Variants in LRP1B observed in about 807,000 individuals in gnomAD.
LRP1B encodes the protein low-density lipoprotein receptor-related protein 1B.
Under a neutral mutation model 556.6 loss-of-function variants are expected in LRP1B, and 217 were observed. The observed-to-expected ratio is 0.39, with a 90% CI of 0.35 to 0.44. LRP1B has a LOEUF of 0.44. Among genes scored for constraint, LRP1B ranks in the 20% least tolerant of loss-of-function variants. The probability of loss-of-function intolerance (pLI) is 1.00; values close to 1 mark genes in which losing one functional copy is unlikely to be tolerated. For synonymous variants in LRP1B, 2,047 were observed against 1,865.8 expected (o/e 1.10, Z -2.50); for missense variants, 5,053 against 5,620.8 (o/e 0.90, Z 3.23).
chr2:141,745,752 G>T (rs1363161421), intron 2 of LRP1B, among the ~76,000 whole-genome samples: 1 of 151,910 alleles, frequency 6.6e-6, no homozygotes, highest in Non-Finnish European at 1.5e-5. Context: ...AGCAGAAGAA[G>T]TCTCTCACTA....
In LRP1B at chr2:142,101,342, A is replaced by T. The variant is rs114192519; in HGVS notation, c.82+29306T>A. Among the ~76,000 whole-genome samples the T allele has an allele frequency of 5.4e-3, 823 of 152,172 alleles. 4 individuals are homozygous for T. The highest frequency in any genetic ancestry group is 0.018 in the African/African-American group (759 of 41,564). ...CATGTGAGTTACACAGGTGATCTAC[A>T]TGATTTGGACTGAAGCTGGCCACAC... On this transcript the variant is annotated intron_variant, in intron 1 of 90. Transcript: ENST00000389484.
At chr2:141,466,314 C>T (rs1274429126) in intron 3 of LRP1B, among the ~76,000 whole-genome samples, 1 of 152,166 alleles carries the variant, frequency 6.6e-6, no homozygotes, top group East Asian at 1.9e-4. Flanking sequence ...CCTTTAGAGT[C>T]CTCTCATAGA....
At chr2:141,024,647 A>G (rs1206834241) in intron 11 of LRP1B, among the ~76,000 whole-genome samples, 1 of 152,048 alleles carries the variant, frequency 6.6e-6, no homozygotes, top group Non-Finnish European at 1.5e-5. Flanking sequence ...TGAGATTTTT[A>G]TCATACTTTC....
At chr2:141,358,105 T>A (rs1302962208) in intron 3 of LRP1B, among the ~76,000 whole-genome samples, 1 of 152,204 alleles carries the variant, frequency 6.6e-6, no homozygotes, top group Non-Finnish European at 1.5e-5. Flanking sequence ...CAAATTTATG[T>A]CACTTAAAAT....
chr2:140,272,988 G>A (rs1682527570), intron 85 of LRP1B, among the ~76,000 whole-genome samples: 1 of 151,874 alleles, frequency 6.6e-6, no homozygotes, highest in African/African-American at 2.4e-5. Flanking sequence ...TTTGGAGAAG[G>A]GACTTTTGAC....
intron 27 of LRP1B, among the ~76,000 whole-genome samples, chr2:140,860,849 G>A (rs1573813341): frequency 6.6e-6 from 1 of 152,242 alleles, no homozygotes; most frequent in East Asian, 1.9e-4. Context: ...TGGTAGATGG[G>A]TGGTAGAGAA....
chr2:140,860,550 T>A (rs1314637393), intron 27 of LRP1B, among the ~76,000 whole-genome samples: 1 of 152,176 alleles, frequency 6.6e-6, no homozygotes, highest in African/African-American at 2.4e-5. Context: ...TTAAACCAAG[T>A]TCTGTTTACA....
chr2:140,923,364 GAT>G (rs1335900212), intron 20 of LRP1B, among the ~76,000 whole-genome samples: 8 of 151,936 alleles, frequency 5.3e-5, no homozygotes, highest in Admixed American at 2.0e-4. Flanking sequence ...CCGATAAAAT[GAT>G]GTTTCTTGCC....
chr2:140,808,073 CAG>C (rs1237746294), intron 32 of LRP1B, among the ~76,000 whole-genome samples: 1 of 152,224 alleles, frequency 6.6e-6, no homozygotes, highest in East Asian at 1.9e-4. Context: ...GCCTAGGTGA[CAG>C]AGTGAGACTC....
chr2:141,629,093 G>T (rs979801849), intron 2 of LRP1B, among the ~76,000 whole-genome samples: 2 of 152,132 alleles, frequency 1.3e-5, no homozygotes, highest in African/African-American at 4.8e-5. Flanking sequence ...ATCTCTAAGG[G>T]CTATTTTTTT....
intron 2 of LRP1B, among the ~76,000 whole-genome samples, chr2:141,504,200 T>C (rs532589784): frequency 6.6e-6 from 1 of 152,318 alleles, no homozygotes; most frequent in East Asian, 1.9e-4. Context: ...GAAGATGAAT[T>C]GGCTTATTTA....
chr2:141,165,261 C>G (rs1173880983), intron 7 of LRP1B, among the ~76,000 whole-genome samples: 9 of 151,944 alleles, frequency 5.9e-5, no homozygotes, highest in Non-Finnish European at 1.2e-4. Flanking sequence ...AACCACAGAA[C>G]TGAAAGCCAA....
intron 41 of LRP1B, among the ~76,000 whole-genome samples, chr2:140,684,249 CT>C (rs1201041741): frequency 5.3e-5 from 8 of 152,138 alleles, no homozygotes; most frequent in African/African-American, 1.9e-4. Flanking sequence ...AATTATGTTT[CT>C]TTTTTACTAA....
At chr2:140,798,395 C>T (rs1299153091) in intron 32 of LRP1B, among the ~76,000 whole-genome samples, 2 of 151,986 alleles carry the variant, frequency 1.3e-5, no homozygotes, top group African/African-American at 4.8e-5. Context: ...CTCTTCCTAC[C>T]CTTCTCTGCC....
At chr2:141,345,352 A>G (rs1688209018) in intron 3 of LRP1B, among the ~76,000 whole-genome samples, 1 of 152,198 alleles carries the variant, frequency 6.6e-6, no homozygotes, top group African/African-American at 2.4e-5. Context: ...TATAGCAGCA[A>G]AAGTAAACTA....
At chr2:141,891,650 A>G (rs1031632905) in intron 1 of LRP1B, among the ~76,000 whole-genome samples, 2 of 152,174 alleles carry the variant, frequency 1.3e-5, no homozygotes, top group African/African-American at 2.4e-5. Context: ...ATTATAAAGT[A>G]TGATAAATAA....
chr2:141,459,974 G>C (rs1039961867), intron 3 of LRP1B, among the ~76,000 whole-genome samples: 2 of 152,156 alleles, frequency 1.3e-5, no homozygotes, highest in Admixed American at 6.5e-5. Context: ...TGTCACCATA[G>C]TAAAAATTCT....
rs905968372 is a variant in LRP1B at position 141,545,623 on chromosome 2, T to C, written c.206-65090A>G. Among the ~76,000 whole-genome samples the C allele has an allele frequency of 3.9e-5, 6 of 152,082 alleles. No homozygotes were observed. The East Asian group carries it at 1.2e-3, about 29-fold the overall frequency. ...GCTTCAGGAGGCCAAAGTGGGAGAA[T>C]TGCTTGAGCCCAGCAGTTTGAGACA... is the stretch of plus-strand genomic sequence containing the variant. On this transcript the variant is annotated intron_variant, in intron 2 of 90. Transcript: ENST00000389484.
intron 32 of LRP1B, 75 bp downstream of exon 32, chr2:140,813,582 A>T (rs2105035542): frequency 7.3e-7 from 1 of 1,367,034 alleles, no homozygotes; most frequent in Non-Finnish European, 1.0e-6. Flanking sequence ...TAACTTTCCT[A>T]AGCTTTTAAC....
Sources: gnomAD v4.1 joint callset for allele counts (sites outside exome capture counted in the v4.1 genomes callset) on GRCh38, gnomAD v4.1.1 for gene constraint, MANE v1.5 for transcripts, NCBI Gene and HGNC (gene_info 2026-07-23, HGNC 2026-07-21) for gene names.